ZNF845: variants seen among roughly 807,000 people sequenced by gnomAD.
The protein encoded by ZNF845 is zinc finger protein 845.
ZNF845 carries 59 observed loss-of-function variants against 76.1 expected under a neutral mutation model. The observed-to-expected ratio is 0.78, with a 90% CI of 0.63 to 0.96. The LOEUF (loss-of-function observed/expected upper bound fraction) is 0.96. Ranked by LOEUF, ZNF845 falls within the 40% of genes least tolerant of loss-of-function variation. The pLI is 0.00. For missense variants in ZNF845, 1,045 were observed against 1,172.8 expected, an observed-to-expected ratio of 0.89 and a Z score of 1.59; for synonymous variants, 361 against 386.9, an observed-to-expected ratio of 0.93 and a Z score of 0.78.
intron 2 of ZNF845, among the ~76,000 whole-genome samples, chr19:53,342,938 C>T (rs1230615185): frequency 3.9e-5 from 6 of 152,206 alleles, no homozygotes; most frequent in African/African-American, 9.6e-5. Context: ...CCTGCCTCAG[C>T]GTCCCGAGTA....
intron 3 of ZNF845, among the ~76,000 whole-genome samples, chr19:53,349,510 T>A (rs771131717): frequency 2.6e-4 from 40 of 151,282 alleles, no homozygotes; most frequent in Non-Finnish European, 5.0e-4. Flanking sequence ...CCTCATGATC[T>A]GCCCGCCTCA....
rs771410312 is a variant in ZNF845, at chr19:53,351,224, G to T, written c.549G>T (p.Arg183Ser). Residue 183 changes from arginine to serine, a missense_variant, in exon 4 of 4, where the codon AGG (arginine) becomes AGT (serine). By Grantham distance (110) the Arg-to-Ser change is moderately radical. Coordinates refer to ENST00000458035, the MANE Select transcript of ZNF845 (RefSeq NM_138374.3). ...CAACATCCCAAAGAATTTCTTGTAGGCCTAAAACCCACATTTCTAAGAACT... is the reference window on the plus strand; with the variant it reads ...CAACATCCCAAAGAATTTCTTGTAGTCCTAAAACCCACATTTCTAAGAACT... ...LVSTSQRISC[R>S]PKTHISKNYG... The T allele has an allele frequency of 1.2e-6, 2 of 1,614,158 alleles. No homozygotes were observed. The highest frequency in any genetic ancestry group is 2.2e-5 in the South Asian group (2 of 91,076).
In ZNF845 at chr19:53,352,978, T is replaced by A; in HGVS notation, c.2303T>A (p.Ile768Asn). The A allele has an allele frequency of 6.2e-7, 1 of 1,613,960 alleles. No homozygotes were observed. Among genetic ancestry groups the A allele is most frequent in the Non-Finnish European group, 8.5e-7 (1 of 1,179,942 alleles). ...RKSSLEKHRR[I>N]HTGEKPYKCK... ...TCAAGCCTTGAAAAACACAGGAGAA[T>A]TCATACTGGAGAGAAACCATACAAA... Residue 768 changes from isoleucine (I) to asparagine (N), a missense_variant, in exon 4 of 4, where the codon ATT (isoleucine) becomes AAT (asparagine). By Grantham distance (149) the Ile-to-Asn change is moderately radical. Transcript: ENST00000458035.
chr19:53,342,662 T>C (rs2085264976), intron 2 of ZNF845, among the ~76,000 whole-genome samples: 1 of 152,098 alleles, frequency 6.6e-6, no homozygotes, highest in East Asian at 1.9e-4. Flanking sequence ...TAGAAAAAAT[T>C]CTGCGGTAAA....
In ZNF845 at chr19:53,353,136, C is replaced by T. The variant is rs752604305; in HGVS notation, c.2461C>T (p.His821Tyr). The T allele has an allele frequency of 2.0e-5, 32 of 1,612,112 alleles. No individual in the cohort carries two copies. In the South Asian group the frequency reaches 3.5e-4, roughly 18 times the overall value. ...CCGTCACAATTCAGCCCTTGTAATTCATAAGGCAATTCATAGTGGAGAGAA... is the reference window on the plus strand; with the variant it reads ...CCGTCACAATTCAGCCCTTGTAATTTATAAGGCAATTCATAGTGGAGAGAA... ...NFRHNSALVI[H>Y]KAIHSGEKPY... The change falls in exon 4 of 4, where the codon CAT becomes TAT. Residue 821 changes from histidine (H) to tyrosine (Y), a missense_variant. Coordinates refer to ENST00000458035, the MANE Select transcript of ZNF845 (RefSeq NM_138374.3).
chr19:53,353,094 G>A lies in ZNF845; in HGVS notation c.2419G>A (p.Glu807Lys). ...HTGEKPYKCN[E>K]CGKNFRHNSA... ...TGGAGAGAAACCTTACAAGTGTAAT[G>A]AATGTGGCAAGAACTTCCGTCACAA... Residue 807 changes from glutamate (E) to lysine (K), a missense_variant, in exon 4 of 4, where the codon GAA becomes AAA. Glu to Lys is a moderately conservative substitution (Grantham distance 56). Transcript: ENST00000458035. The A allele has an allele frequency of 6.2e-7, 1 of 1,600,912 alleles. No individual in the cohort carries two copies. The highest frequency in any genetic ancestry group is 8.6e-7 in the Non-Finnish European group (1 of 1,168,710).
At chr19:53,343,780 A>G (rs1444117785) in intron 2 of ZNF845, among the ~76,000 whole-genome samples, 1 of 152,132 alleles carries the variant, frequency 6.6e-6, no homozygotes, top group Non-Finnish European at 1.5e-5. Flanking sequence ...ACATATGTAT[A>G]TATAAAATGG....
intron 3 of ZNF845, 118 bp downstream of exon 3, chr19:53,345,750 A>C (rs910402791): frequency 1.3e-6 from 2 of 1,533,806 alleles, no homozygotes; most frequent in South Asian, 2.6e-5. Context: ...TGGTGTGATC[A>C]TGTCTTACTG....
intron 2 of ZNF845, 58 bp from the exon 3 acceptor site, chr19:53,345,448 C>A: frequency 6.2e-7 from 1 of 1,611,202 alleles, no homozygotes; most frequent in Non-Finnish European, 8.5e-7. Flanking sequence ...CTTCTCATTT[C>A]GTGTAAAGAT....
chr19:53,343,611 C>T (rs1599975841), intron 2 of ZNF845, among the ~76,000 whole-genome samples: 1 of 152,224 alleles, frequency 6.6e-6, no homozygotes, highest in Middle Eastern at 3.4e-3. Context: ...TGCACACCCA[C>T]CTACACAAGT....
chr19:53,339,968 C>T (rs1227223307), intron 1 of ZNF845, among the ~76,000 whole-genome samples: 1 of 151,958 alleles, frequency 6.6e-6, no homozygotes, highest in African/African-American at 2.4e-5. Flanking sequence ...CTGCAACCTC[C>T]AACCTCTGGG....
At chr19:53,343,063 C>T (rs572694420) in intron 2 of ZNF845, among the ~76,000 whole-genome samples, 18 of 152,254 alleles carry the variant, frequency 1.2e-4, no homozygotes, top group African/African-American at 4.1e-4. Flanking sequence ...AGGTTATCCA[C>T]CCACCTTGGC....
At position 53,353,586 on chromosome 19, in the gene ZNF845, T is replaced by G. The variant is rs778662481; in HGVS notation, c.2911T>G (p.Ter971GluextTer30). 2 of 1,579,850 alleles carry G rather than the reference T, an allele frequency of 1.3e-6. No individual in the cohort carries two copies. Among genetic ancestry groups the G allele is most frequent in the Admixed American group, 3.7e-5 (2 of 54,578 alleles). ...TAGAATTCATACTGGAAAGAAACATTAGAAATATGAAGAATGTGACAAAGT... is the reference window on the plus strand; with the variant it reads ...TAGAATTCATACTGGAAAGAAACATGAGAAATATGAAGAATGTGACAAAGT... ...HHRIHTGKKH[*>E] Residue 971 changes from the stop codon to glutamate, a stop_lost, in exon 4 of 4, where the codon TAG becomes GAG. Transcript: ENST00000458035.
At position 53,338,582 on chromosome 19, in the gene ZNF845, A is replaced by G. The variant is rs1356009809; in HGVS notation, c.-73-2653A>G. 2.1e-5 allele frequency among the ~76,000 whole-genome samples: 3 copies of G among 144,346 alleles called. No homozygotes were observed. The East Asian group carries it at 5.8e-4, about 28-fold the overall frequency. The allele number at this position is 144,346 out of a possible 152,430, so 94.7% of individuals were successfully genotyped here. A position where few individuals can be genotyped will look rare whatever the true frequency, so the allele number is the denominator to read the frequency against. Reference sequence around the variant, plus strand: ...CGTGACTTTAGGAAAGATTCTTCCAAGAATCAAGAGTGCAAACAGCACCGT... The same window carrying G: ...CGTGACTTTAGGAAAGATTCTTCCAGGAATCAAGAGTGCAAACAGCACCGT... On this transcript the variant is annotated intron_variant, in intron 1 of 3. Transcript: ENST00000458035.
Position 53,353,904 on chromosome 19 carries a change from A to G in ZNF845, c.*316A>G. On this transcript the variant is annotated 3_prime_UTR_variant, in exon 4 of 4. Coordinates refer to ENST00000458035, the MANE Select transcript of ZNF845 (RefSeq NM_138374.3). ...ACCGTTTCAAATCATTGGAGAATCC[A>G]TAATGAGAGATTTTGAAAGTGTAAT... is the stretch of plus-strand genomic sequence containing the variant. 1 of 1,002,930 alleles carries G rather than the reference A, an allele frequency of 1.0e-6. No homozygotes were observed. The highest frequency in any genetic ancestry group is 1.4e-6 in the Non-Finnish European group (1 of 696,590). The allele number at this position is 1,002,930 out of a possible 1,614,324, so 62.1% of individuals were successfully genotyped here. A position where few individuals can be genotyped will look rare whatever the true frequency, so the allele number is the denominator to read the frequency against.
chr19:53,354,238 T>C lies in ZNF845; in HGVS notation c.*650T>C. 4.0e-6 allele frequency: 2 copies of C among 494,118 alleles called. No homozygotes were observed. Among genetic ancestry groups the C allele is most frequent in the South Asian group, 3.1e-5 (2 of 65,044 alleles). The allele number at this position is 494,118 out of a possible 1,614,324, so 30.6% of individuals were successfully genotyped here. On this transcript the variant is annotated 3_prime_UTR_variant, in exon 4 of 4. Coordinates refer to ENST00000458035, the MANE Select transcript of ZNF845 (RefSeq NM_138374.3). ...CTTAAGGAACATCAGAAAATTCATT[T>C]TTGAGATGATTGTTCCAAATGCAAT...
Position 53,354,511 on chromosome 19 carries a change from T to C in ZNF845, c.*923T>C. ...CAGACATGAGTCACTTTTCCCACCCTGTATTTTGTTTCTTTAATAAAAACT... is the reference window on the plus strand; with the variant it reads ...CAGACATGAGTCACTTTTCCCACCCCGTATTTTGTTTCTTTAATAAAAACT... On this transcript the variant is annotated 3_prime_UTR_variant, in exon 4 of 4. Transcript: ENST00000458035. 1 of 159,858 alleles carries C rather than the reference T, an allele frequency of 6.3e-6. No individual in the cohort carries two copies. The highest frequency in any genetic ancestry group is 1.4e-5 in the Non-Finnish European group (1 of 72,914). The allele number at this position is 159,858 out of a possible 1,614,324, so 9.9% of individuals were successfully genotyped here.
chr19:53,351,115 A>T lies in ZNF845; in HGVS notation c.440A>T (p.His147Leu), dbSNP rs571802419. 6.2e-7 allele frequency: 1 copy of T among 1,614,224 alleles called. No homozygotes were observed. Among genetic ancestry groups the T allele is most frequent in the East Asian group, 2.2e-5 (1 of 44,886 alleles). ...KDQLGSSFHSHLPELHMFQTE... is the reference protein window; with the variant it reads ...KDQLGSSFHSLLPELHMFQTE... ...CAGCTTGGATCAAGCTTTCATTCGC[A>T]TCTGCCTGAACTCCACATGTTTCAG... Residue 147 changes from histidine (H) to leucine (L), a missense_variant, in exon 4 of 4, where the codon CAT (histidine) becomes CTT (leucine). By Grantham distance (99) the His-to-Leu change is moderately conservative. Transcript: ENST00000458035.
intron 1 of ZNF845, 140 bp from the exon 2 acceptor site, chr19:53,341,095 A>C: frequency 2.5e-6 from 2 of 800,758 alleles, no homozygotes; most frequent in Non-Finnish European, 3.8e-6. Flanking sequence ...CACTGCCTGT[A>C]GGAGTTTATC....
Sources: allele counts gnomAD v4.1 joint callset (sites outside exome capture counted in the v4.1 genomes callset), GRCh38; gene constraint gnomAD v4.1.1; transcripts MANE v1.5; gene names NCBI Gene and HGNC (gene_info 2026-07-23, HGNC 2026-07-21).